CNGB3: variants seen among roughly 807,000 people sequenced by gnomAD.
CNGB3 encodes cyclic nucleotide-gated channel beta-3.
In CNGB3, 86 loss-of-function variants were observed where a neutral mutation model predicts 92.8. That is an observed-to-expected ratio of 0.93 (90% CI 0.78 to 1.11). The LOEUF is 1.11. Ranked by LOEUF, CNGB3 falls within the 50% of genes least tolerant of loss-of-function variation. CNGB3 has a pLI of 0.00. For synonymous variants in CNGB3, 333 were observed against 332.7 expected, an observed-to-expected ratio of 1.00 and a Z score of -0.01; for missense variants, 1,026 against 956.8, an observed-to-expected ratio of 1.07 and a Z score of -0.95.
rs763649094 is a variant in CNGB3, at chr8:86,604,080, A to G, written c.1781+13T>C. 7 of 1,523,042 alleles carry G rather than the reference A, an allele frequency of 4.6e-6. No homozygotes were observed. The Admixed American group carries it at 6.7e-5, about 15-fold the overall frequency. The allele number at this position is 1,523,042 out of a possible 1,614,324, so 94.3% of individuals were successfully genotyped here. A position where few individuals can be genotyped will look rare whatever the true frequency, so the allele number is the denominator to read the frequency against. On this transcript the variant is annotated intron_variant, in intron 15 of 17. Coordinates refer to ENST00000320005, the MANE Select transcript of CNGB3 (RefSeq NM_019098.5). Reference sequence around the variant, plus strand: ...TGATGGACTTCAATATTTATGAAGTATCTTTCAGATACCTGATTTCTCCAA... The same window carrying G: ...TGATGGACTTCAATATTTATGAAGTGTCTTTCAGATACCTGATTTCTCCAA...
intron 15 of CNGB3, among the ~76,000 whole-genome samples, chr8:86,600,802 T>C (rs1429996973): frequency 1.5e-5 from 2 of 135,116 alleles, no homozygotes; most frequent in African/African-American, 5.9e-5. Flanking sequence ...TTTTTTTTTT[T>C]TTTTTTTTTA....
chr8:86,726,713 A>G, intron 2 of CNGB3, 56 bp from the exon 3 acceptor site: 1 of 1,599,636 alleles, frequency 6.3e-7, no homozygotes, highest in Non-Finnish European at 8.6e-7. Flanking sequence ...TGACCCAGCT[A>G]TATTTGGCAA....
At chr8:86,595,003 T>C (rs1822138779) in intron 15 of CNGB3, among the ~76,000 whole-genome samples, 1 of 152,160 alleles carries the variant, frequency 6.6e-6, no homozygotes, top group African/African-American at 2.4e-5. Context: ...ATTACAGGCG[T>C]GAGCCACCGC....
intron 3 of CNGB3, among the ~76,000 whole-genome samples, chr8:86,714,420 T>G (rs1304140859): frequency 6.6e-6 from 1 of 152,160 alleles, no homozygotes. Context: ...TTAAATTATA[T>G]TCACCCCAAA....
chr8:86,606,672 G>A (rs958470609), intron 14 of CNGB3, among the ~76,000 whole-genome samples: 6 of 152,214 alleles, frequency 3.9e-5, no homozygotes, highest in African/African-American at 1.4e-4. Flanking sequence ...TAGCTGTAAA[G>A]CATCTCATAG....
chr8:86,684,453 A>G (rs574709998), intron 3 of CNGB3, among the ~76,000 whole-genome samples: 1 of 152,274 alleles, frequency 6.6e-6, no homozygotes, highest in East Asian at 1.9e-4. Flanking sequence ...TTATAAAGCT[A>G]AACATGCAAT....
intron 13 of CNGB3, among the ~76,000 whole-genome samples, chr8:86,625,007 G>T (rs1158346231): frequency 1.3e-5 from 2 of 152,132 alleles, no homozygotes; most frequent in African/African-American, 4.8e-5. Context: ...TAAGATGCCT[G>T]CCCCTGCTTT....
intron 3 of CNGB3, among the ~76,000 whole-genome samples, chr8:86,703,575 C>A (rs368598528): frequency 6.6e-6 from 1 of 152,088 alleles, no homozygotes; most frequent in African/African-American, 2.4e-5. Flanking sequence ...GGGTGTTAAA[C>A]GACACTGTTC....
At chr8:86,605,794 T>C (rs189992824) in intron 14 of CNGB3, among the ~76,000 whole-genome samples, 241 of 152,316 alleles carry the variant, frequency 1.6e-3, no homozygotes, top group African/African-American at 5.7e-3. Flanking sequence ...TCTAAAGTCT[T>C]TCCTTACACC....
chr8:86,697,965 G>A (rs1016883560), intron 3 of CNGB3, among the ~76,000 whole-genome samples: 28 of 152,272 alleles, frequency 1.8e-4, no homozygotes, highest in Admixed American at 1.1e-3. Flanking sequence ...TACAAAGGAC[G>A]TGAACTCATC....
At chr8:86,631,680 A>T (rs1447980656) in intron 11 of CNGB3, among the ~76,000 whole-genome samples, 1 of 152,156 alleles carries the variant, frequency 6.6e-6, no homozygotes, top group East Asian at 1.9e-4. Context: ...GAAGATAATG[A>T]TATTTTATAC....
intron 2 of CNGB3, among the ~76,000 whole-genome samples, chr8:86,735,919 A>C (rs1825244968): frequency 6.6e-6 from 1 of 152,138 alleles, no homozygotes; most frequent in Admixed American, 6.5e-5. Flanking sequence ...GGGTCACTTA[A>C]AAGTATCGTA....
At position 86,668,285 on chromosome 8, in the gene CNGB3, A is replaced by G. The variant is rs901085588; in HGVS notation, c.494-117T>C. On this transcript the variant is annotated intron_variant, in intron 4 of 17. Coordinates refer to ENST00000320005, the MANE Select transcript of CNGB3 (RefSeq NM_019098.5). ...CTCACTCATAAGTGGGAGTTGAACA[A>G]TGAGAACATATGGGCACAGGGAGGG... 7.4e-5 allele frequency: 55 copies of G among 745,936 alleles called. 1 individual carries two copies. The highest frequency in any genetic ancestry group is 1.0e-4 in the Non-Finnish European group (49 of 490,386). The allele number at this position is 745,936 out of a possible 1,614,324, so 46.2% of individuals were successfully genotyped here.
chr8:86,651,887 C>G (rs907224555), intron 7 of CNGB3, among the ~76,000 whole-genome samples: 2 of 151,912 alleles, frequency 1.3e-5, no homozygotes, highest in Non-Finnish European at 2.9e-5. Context: ...AGTCATTTGT[C>G]ACTTAACAAC....
chr8:86,591,072 T>C (rs189108183), intron 15 of CNGB3, among the ~76,000 whole-genome samples: 1 of 151,884 alleles, frequency 6.6e-6, no homozygotes, highest in Non-Finnish European at 1.5e-5. Flanking sequence ...CTTTCCTTCT[T>C]GCTTCATTTC....
intron 2 of CNGB3, among the ~76,000 whole-genome samples, chr8:86,733,989 T>C (rs1307386327): frequency 6.6e-6 from 1 of 152,076 alleles, no homozygotes; most frequent in African/African-American, 2.4e-5. Context: ...CACCTCATTC[T>C]CCTGAGTAGC....
At chr8:86,715,173 A>G (rs1383429014) in intron 3 of CNGB3, among the ~76,000 whole-genome samples, 1 of 152,106 alleles carries the variant, frequency 6.6e-6, no homozygotes, top group Non-Finnish European at 1.5e-5. Context: ...CATCCTCCCT[A>G]TACCCTATAG....
intron 10 of CNGB3, among the ~76,000 whole-genome samples, chr8:86,641,202 C>G (rs1823177223): frequency 6.6e-6 from 1 of 151,914 alleles, no homozygotes; most frequent in Non-Finnish European, 1.5e-5. Context: ...CAGAAGTTAC[C>G]CTATATAGTC....
At chr8:86,590,108 T>C (rs1585952174) in intron 15 of CNGB3, among the ~76,000 whole-genome samples, 2 of 151,892 alleles carry the variant, frequency 1.3e-5, no homozygotes, top group East Asian at 1.9e-4. Context: ...CTTCTTTGTC[T>C]CTTTTGATCT....
Sources: allele counts gnomAD v4.1 joint callset (sites outside exome capture counted in the v4.1 genomes callset), GRCh38; gene constraint gnomAD v4.1.1; transcripts MANE v1.5; gene names NCBI Gene and HGNC (gene_info 2026-07-23, HGNC 2026-07-21).